NRG3: variants seen among roughly 807,000 people sequenced by gnomAD.
NRG3 encodes the protein pro-neuregulin-3, membrane-bound isoform.
NRG3 carries 31 observed loss-of-function variants against 66.9 expected under a neutral mutation model. The ratio of observed to expected loss-of-function variants is 0.46; its 90% CI spans 0.35 to 0.63. The LOEUF (loss-of-function observed/expected upper bound fraction) is 0.63. NRG3 is among the 20% of genes least tolerant of loss of function. NRG3 has a pLI of 0.00. For synonymous variants in NRG3, 393 were observed against 359.4 expected, an observed-to-expected ratio of 1.09 and a Z score of -1.06; for missense variants, 910 against 878.9, an observed-to-expected ratio of 1.04 and a Z score of -0.45.
chr10:81,982,653 G>T (rs1001474630), intron 1 of NRG3, among the ~76,000 whole-genome samples: 3 of 152,112 alleles, frequency 2.0e-5, no homozygotes, highest in African/African-American at 4.8e-5. Flanking sequence ...CTGTTCCCAC[G>T]TGATCTTTCC....
At chr10:82,956,260 C>T (rs531038525) in intron 5 of NRG3, among the ~76,000 whole-genome samples, 2 of 152,040 alleles carry the variant, frequency 1.3e-5, no homozygotes, top group Non-Finnish European at 2.9e-5. Flanking sequence ...AGTTTCCACA[C>T]TGACACTGTT....
intron 4 of NRG3, among the ~76,000 whole-genome samples, chr10:82,877,840 G>T (rs1258037085): frequency 6.6e-6 from 1 of 152,182 alleles, no homozygotes; most frequent in African/African-American, 2.4e-5. Context: ...ATAAATAGGA[G>T]TTGAGTTCAC....
intron 1 of NRG3, among the ~76,000 whole-genome samples, chr10:82,010,636 A>T (rs1304187960): frequency 1.3e-5 from 2 of 152,214 alleles, no homozygotes; most frequent in South Asian, 4.1e-4. Context: ...TGACTTTATC[A>T]ACAAAAACGC....
chr10:82,367,601 C>G (rs1386388957), intron 2 of NRG3, among the ~76,000 whole-genome samples: 1 of 152,050 alleles, frequency 6.6e-6, no homozygotes, highest in Non-Finnish European at 1.5e-5. Context: ...CTTGCAGACT[C>G]TTTAAAAAGT....
chr10:82,827,110 A>G, intron 3 of NRG3: 1 of 334,276 alleles, frequency 3.0e-6, no homozygotes, highest in Non-Finnish European at 5.8e-6. Context: ...ATAACTCTTG[A>G]TATTGAGAAT....
intron 1 of NRG3, among the ~76,000 whole-genome samples, chr10:81,893,551 T>G (rs1843230127): frequency 6.6e-6 from 1 of 152,180 alleles, no homozygotes; most frequent in African/African-American, 2.4e-5. Flanking sequence ...TTGATTAGTG[T>G]CAAAATGCTG....
At chr10:82,240,059 G>C (rs932847389) in intron 1 of NRG3, among the ~76,000 whole-genome samples, 27 of 151,690 alleles carry the variant, frequency 1.8e-4, no homozygotes, top group Non-Finnish European at 3.4e-4. Context: ...TTTCCTATTT[G>C]TGTGAGTCTG....
At chr10:82,899,241 C>T (rs756397548) in intron 4 of NRG3, among the ~76,000 whole-genome samples, 19 of 152,114 alleles carry the variant, frequency 1.2e-4, no homozygotes, top group Admixed American at 3.3e-4. Context: ...AATGCTCACA[C>T]TGTATGATTT....
intron 2 of NRG3, among the ~76,000 whole-genome samples, chr10:82,626,505 A>G (rs1386755965): frequency 6.6e-6 from 1 of 152,142 alleles, no homozygotes; most frequent in Non-Finnish European, 1.5e-5. Flanking sequence ...TATACAAAGA[A>G]CAGTCAAAAG....
At chr10:82,877,537 C>CTTTTTTTTTT (rs61471998) in intron 4 of NRG3, among the ~76,000 whole-genome samples, 100 of 74,986 alleles carry the variant, frequency 1.3e-3, no homozygotes, top group Non-Finnish European at 1.9e-3. Flanking sequence ...CCACACCCGG[C>CTTTTTTTTTT]TTTTTTTTTT....
intron 1 of NRG3, among the ~76,000 whole-genome samples, chr10:82,210,642 G>A (rs572347240): frequency 7.9e-5 from 12 of 152,250 alleles, no homozygotes; most frequent in African/African-American, 2.9e-4. Context: ...CCAAAAGCTA[G>A]GCAGTGAGAC....
chr10:82,640,686 A>G (rs1207943209), intron 2 of NRG3, among the ~76,000 whole-genome samples: 1 of 152,196 alleles, frequency 6.6e-6, no homozygotes, highest in East Asian at 1.9e-4. Flanking sequence ...AGTGCTAAAT[A>G]TAATTATTAT....
At chr10:82,089,250 AT>A (rs2065895686) in intron 1 of NRG3, among the ~76,000 whole-genome samples, 1 of 152,178 alleles carries the variant, frequency 6.6e-6, no homozygotes, top group South Asian at 2.1e-4. Context: ...AAAAGACACA[AT>A]TTTTGTTAAA....
chr10:82,669,791 G>A (rs935398917), intron 2 of NRG3, among the ~76,000 whole-genome samples: 6 of 152,060 alleles, frequency 3.9e-5, no homozygotes, highest in Non-Finnish European at 8.8e-5. Context: ...AGCCGGGCGT[G>A]GTGGTGGGCG....
At chr10:82,148,226 G>A (rs2070405577) in intron 1 of NRG3, among the ~76,000 whole-genome samples, 1 of 152,036 alleles carries the variant, frequency 6.6e-6, no homozygotes, top group South Asian at 2.1e-4. Context: ...ATTGCGGGGG[G>A]GTGGCTCACA....
intron 1 of NRG3, among the ~76,000 whole-genome samples, chr10:82,096,384 G>A: frequency 6.6e-6 from 1 of 152,106 alleles, no homozygotes; most frequent in Admixed American, 6.5e-5. Context: ...GCTGAGGCAG[G>A]AGGATCGCTT....
chr10:81,991,528 C>T (rs541692400), intron 1 of NRG3, among the ~76,000 whole-genome samples: 1 of 152,048 alleles, frequency 6.6e-6, no homozygotes, highest in Non-Finnish European at 1.5e-5. Context: ...CTGTGTGGGT[C>T]CCCCAAAGGC....
chr10:82,103,321 T>G (rs1411143470), intron 1 of NRG3, among the ~76,000 whole-genome samples: 1 of 152,194 alleles, frequency 6.6e-6, no homozygotes, highest in Admixed American at 6.6e-5. Context: ...AATTGGTAGA[T>G]TCAAAGTAAT....
chr10:82,273,747 GAATT>G (rs1469866125), intron 1 of NRG3, among the ~76,000 whole-genome samples: 2 of 151,892 alleles, frequency 1.3e-5, no homozygotes, highest in Admixed American at 6.6e-5. Flanking sequence ...ATTTAAATAA[GAATT>G]AACCCAAAAG....
Sources: gnomAD v4.1 joint callset for allele counts (sites outside exome capture counted in the v4.1 genomes callset) on GRCh38, gnomAD v4.1.1 for gene constraint, MANE v1.5 for transcripts, NCBI Gene and HGNC (gene_info 2026-07-23, HGNC 2026-07-21) for gene names.